Variants in ECE1 observed in about 807,000 individuals in gnomAD.
The protein encoded by ECE1 is endothelin-converting enzyme 1.
ECE1 carries 35 observed loss-of-function variants against 98.6 expected under a neutral mutation model. That is an observed-to-expected ratio of 0.35 (90% CI 0.27 to 0.47). The LOEUF is 0.47. ECE1 is among the 20% of genes least tolerant of loss of function. The pLI, the probability that ECE1 is intolerant of heterozygous loss-of-function variation, is 1.00. For synonymous variants in ECE1, 394 were observed against 407.1 expected (o/e 0.97, Z 0.39); for missense variants, 814 against 1,025.3 (o/e 0.79, Z 2.81).
At chr1:21,257,972 A>G (rs1331518879) in intron 6 of ECE1, among the ~76,000 whole-genome samples, 1 of 152,198 alleles carries the variant, frequency 6.6e-6, no homozygotes, top group Non-Finnish European at 1.5e-5. Context: ...GTTTCTTCTC[A>G]GGTAAATAGG....
At chr1:21,247,842 C>T (rs1270801427) in intron 8 of ECE1, among the ~76,000 whole-genome samples, 1 of 152,154 alleles carries the variant, frequency 6.6e-6, no homozygotes, top group African/African-American at 2.4e-5. Flanking sequence ...GCTGTGTAAC[C>T]CTGGGTAAGT....
chr1:21,317,350 C>T (rs1026097776), intron 1 of ECE1, among the ~76,000 whole-genome samples: 4 of 152,170 alleles, frequency 2.6e-5, no homozygotes, highest in Admixed American at 1.3e-4. Context: ...GCCTGGCATC[C>T]GGTGGCTGCC....
Position 21,227,166 on chromosome 1 carries a change from A to G in ECE1, c.1842T>C (p.Asp614=). 1.2e-6 allele frequency: 2 copies of G among 1,614,086 alleles called. No individual in the cohort carries two copies. Among genetic ancestry groups the G allele is most frequent in the Non-Finnish European group, 1.7e-6 (2 of 1,179,998 alleles). Residue 614 remains aspartate (D), a synonymous_variant, in exon 16 of 19, where the codon GAT becomes GAC. Coordinates refer to ENST00000374893, the MANE Select transcript of ECE1 (RefSeq NM_001397.3). ...CCCAGCTGGAATTCGTACCTTGATC[A>G]TCAAAAGCATGAGTCAGCTCATGGC... ...VVGHELTHAF[D]DQGREYDKDG... is the part of the protein sequence containing the mutation.
intron 10 of ECE1, 123 bp downstream of exon 10, chr1:21,244,866 C>T: frequency 3.4e-6 from 3 of 876,290 alleles, no homozygotes; most frequent in Non-Finnish European, 5.6e-6. Flanking sequence ...TTGGCATAAG[C>T]ACTCCTTCCG....
chr1:21,227,369 G>C lies in ECE1; in HGVS notation c.1782-143C>G, dbSNP rs1024736473. On this transcript the variant is annotated intron_variant, in intron 15 of 18. Coordinates refer to ENST00000374893, the MANE Select transcript of ECE1 (RefSeq NM_001397.3). The stretch of plus-strand genomic sequence containing the variant: ...CTGTGTGGATAAGGGTGTGGTCATG[G>C]CCTGAGTCTCCAGCAAGGCCCCTGA... 5 of 858,896 alleles carry C rather than the reference G, an allele frequency of 5.8e-6. No individual in the cohort carries two copies. The African/African-American group carries it at 8.4e-5, about 14-fold the overall frequency. The allele number at this position is 858,896 out of a possible 1,614,324, so 53.2% of individuals were successfully genotyped here.
intron 1 of ECE1, among the ~76,000 whole-genome samples, chr1:21,341,607 G>A (rs573748994): frequency 1.3e-5 from 2 of 152,278 alleles, no homozygotes; most frequent in East Asian, 3.9e-4. Flanking sequence ...TTTAACAAAA[G>A]GTAACAACAT....
At chr1:21,337,323 C>A (rs1227992010) in intron 1 of ECE1, among the ~76,000 whole-genome samples, 1 of 152,112 alleles carries the variant, frequency 6.6e-6, no homozygotes, top group Non-Finnish European at 1.5e-5. Context: ...CTGAAGAAAA[C>A]CAGGCACAAA....
At chr1:21,297,035 G>A (rs1215786705) in intron 1 of ECE1, among the ~76,000 whole-genome samples, 1 of 152,164 alleles carries the variant, frequency 6.6e-6, no homozygotes, top group African/African-American at 2.4e-5. Flanking sequence ...GTTGCTAACT[G>A]CCCCTTGGAG....
intron 2 of ECE1, chr1:21,279,559 G>A (rs929969443): frequency 4.7e-5 from 68 of 1,444,220 alleles, no homozygotes; most frequent in Non-Finnish European, 5.6e-5. Flanking sequence ...CAAGCAGCTC[G>A]GCCCCGACAG....
intron 3 of ECE1, among the ~76,000 whole-genome samples, chr1:21,278,853 T>A (rs899118808): frequency 6.6e-6 from 1 of 152,192 alleles, no homozygotes; most frequent in Non-Finnish European, 1.5e-5. Context: ...ATGGGACATA[T>A]GTTATCTCTA....
At chr1:21,238,710 T>C (rs2098191603) in intron 10 of ECE1, among the ~76,000 whole-genome samples, 1 of 152,188 alleles carries the variant, frequency 6.6e-6, no homozygotes, top group Non-Finnish European at 1.5e-5. Context: ...GGAGAGTGAC[T>C]GGTCTACCCT....
At chr1:21,341,301 G>T (rs1195311850) in intron 1 of ECE1, among the ~76,000 whole-genome samples, 5 of 152,236 alleles carry the variant, frequency 3.3e-5, no homozygotes, top group African/African-American at 1.2e-4. Context: ...TGTTGTGCCA[G>T]ACAGACTTGT....
chr1:21,221,926 C>A, intron 17 of ECE1, 84 bp from the exon 18 acceptor site: 1 of 1,258,712 alleles, frequency 7.9e-7, no homozygotes, highest in South Asian at 1.2e-5. Context: ...CAGGGAGCTC[C>A]CCCGTGTTGG....
intron 10 of ECE1, among the ~76,000 whole-genome samples, chr1:21,239,703 C>T (rs922167138): frequency 1.3e-5 from 2 of 152,128 alleles, no homozygotes; most frequent in Non-Finnish European, 2.9e-5. Flanking sequence ...CATGAGGGTA[C>T]CTGCTGCTCA....
intron 2 of ECE1, among the ~76,000 whole-genome samples, chr1:21,289,802 T>A (rs1039918778): frequency 6.6e-6 from 1 of 151,568 alleles, no homozygotes; most frequent in African/African-American, 2.4e-5. Flanking sequence ...TGCTTTCAAC[T>A]CTGCCACCTG....
intron 7 of ECE1, among the ~76,000 whole-genome samples, chr1:21,257,119 A>G (rs147885978): frequency 6.6e-6 from 1 of 152,180 alleles, no homozygotes; most frequent in Non-Finnish European, 1.5e-5. Context: ...TGAGCAGATC[A>G]CTTAGCATCT....
chr1:21,318,578 G>A (rs1470541498), intron 1 of ECE1, among the ~76,000 whole-genome samples: 5 of 151,936 alleles, frequency 3.3e-5, no homozygotes, highest in African/African-American at 9.7e-5. Context: ...GATATTTCAG[G>A]CCTTAGCAAC....
At chr1:21,228,287 C>T (rs1404209125) in intron 14 of ECE1, among the ~76,000 whole-genome samples, 2 of 152,128 alleles carry the variant, frequency 1.3e-5, no homozygotes, top group African/African-American at 4.8e-5. Context: ...GCAGCCTCAA[C>T]TTCTAAGCCT....
Position 21,322,444 on chromosome 1 carries a change from G to T in ECE1, c.3+22932C>A, listed in dbSNP as rs988078568. Among the ~76,000 whole-genome samples the T allele has an allele frequency of 5.9e-5, 9 of 152,234 alleles. No individual in the cohort carries two copies. Among genetic ancestry groups the T allele is most frequent in the Non-Finnish European group, 1.3e-4 (9 of 68,026 alleles). ...ACAGTTGCCATGGAAACACCAGTGG[G>T]TTCTTTGGGGGCAGGAGAGCAACCA... On this transcript the variant is annotated intron_variant, in intron 1 of 18. Transcript: ENST00000415912. This position sits in a 1 kb window ranked among gnomAD's most constrained non-coding sequence, Gnocchi z 4.1.
Sources: gnomAD v4.1 joint callset for allele counts (sites outside exome capture counted in the v4.1 genomes callset) on GRCh38, gnomAD v4.1.1 for gene constraint, Gnocchi (gnomAD v3.1) non-coding constraint, MANE v1.5 for transcripts, NCBI Gene and HGNC (gene_info 2026-07-23, HGNC 2026-07-21) for gene names.